The following SNTB1 variants were observed in gnomAD, a reference collection of about 807,000 sequenced individuals.
SNTB1 encodes the protein beta-1-syntrophin.
A neutral mutation model predicts 48.9 loss-of-function variants in SNTB1; 36 were observed. The ratio of observed to expected loss-of-function variants is 0.74; its 90% confidence interval spans 0.56 to 0.97. SNTB1 has a LOEUF of 0.97. SNTB1 is among the 50% of genes least tolerant of loss of function. The pLI is 0.00. For synonymous variants in SNTB1, 299 were observed against 294.6 expected (o/e 1.01, Z -0.15); for missense variants, 786 against 703.4 (o/e 1.12, Z -1.33).
chr8:120,598,934 T>C (rs1179372058), intron 3 of SNTB1, among the ~76,000 whole-genome samples: 1 of 152,200 alleles, frequency 6.6e-6, no homozygotes, highest in Non-Finnish European at 1.5e-5. Context: ...TAAAGATACA[T>C]GTGGTTACAT....
At position 120,575,066 on chromosome 8, in the gene SNTB1, A is replaced by G; in HGVS notation, c.1136+20T>C. On this transcript the variant is annotated intron_variant, in intron 4 of 6. Transcript: ENST00000517992. ...AATCCACCTGCAAACACATCATACC[A>G]AACACAAGGCCATGGCTACCTGGTG... The G allele has an allele frequency of 6.2e-7, 1 of 1,614,142 alleles. No individual in the cohort carries two copies. The highest frequency in any genetic ancestry group is 1.1e-5 in the South Asian group (1 of 91,078).
rs899722995 is a variant in SNTB1 at position 120,538,587 on chromosome 8, T to C, written c.*290A>G. On this transcript the variant is annotated 3_prime_UTR_variant, in exon 7 of 7. Transcript: ENST00000517992. ...GCTGTTCTAATGGTCATGTCCTTGGTTGTCATTATTTCAAAGCTATGCTGT... is the reference window on the plus strand; with the variant it reads ...GCTGTTCTAATGGTCATGTCCTTGGCTGTCATTATTTCAAAGCTATGCTGT... 2.0e-6 allele frequency: 1 copy of C among 493,152 alleles called. No homozygotes were observed. Among genetic ancestry groups the C allele is most frequent in the Non-Finnish European group, 4.0e-6 (1 of 250,294 alleles). The allele number at this position is 493,152 out of a possible 1,614,324, so 30.5% of individuals were successfully genotyped here.
At chr8:120,581,419 C>T (rs563689101) in intron 3 of SNTB1, among the ~76,000 whole-genome samples, 5 of 152,088 alleles carry the variant, frequency 3.3e-5, no homozygotes, top group Non-Finnish European at 5.9e-5. Flanking sequence ...GCCTGGCCAA[C>T]ATGGTGAAAA....
intron 2 of SNTB1, among the ~76,000 whole-genome samples, chr8:120,678,704 T>C (rs930628251): frequency 1.3e-5 from 2 of 152,210 alleles, no homozygotes; most frequent in Non-Finnish European, 2.9e-5. Flanking sequence ...TTCTTATAAC[T>C]AGTTATCACT....
At chr8:120,579,228 C>G (rs999993149) in intron 3 of SNTB1, among the ~76,000 whole-genome samples, 14 of 151,914 alleles carry the variant, frequency 9.2e-5, no homozygotes, top group Non-Finnish European at 1.5e-4. Flanking sequence ...AGCAAACAAA[C>G]AATTGAAAGA....
At chr8:120,654,071 A>AAAAAAAT (rs1817457552) in intron 2 of SNTB1, among the ~76,000 whole-genome samples, 4 of 144,014 alleles carry the variant, frequency 2.8e-5, no homozygotes, top group East Asian at 2.1e-4. Flanking sequence ...AAAAAAAAAA[A>AAAAAAAT]GTTGTCTTCT....
chr8:120,592,618 C>T (rs1402420331), intron 3 of SNTB1, among the ~76,000 whole-genome samples: 1 of 152,128 alleles, frequency 6.6e-6, no homozygotes, highest in African/African-American at 2.4e-5. Context: ...GGGAGCTAGG[C>T]ACTTTGTGAC....
At chr8:120,737,083 T>C (rs1005858751) in intron 1 of SNTB1, among the ~76,000 whole-genome samples, 10 of 152,240 alleles carry the variant, frequency 6.6e-5, no homozygotes, top group Admixed American at 6.5e-4. Flanking sequence ...TTCAACTTGT[T>C]GTGTGACCTT....
intron 2 of SNTB1, among the ~76,000 whole-genome samples, chr8:120,664,840 G>A (rs1455263367): frequency 6.6e-6 from 1 of 152,162 alleles, no homozygotes; most frequent in Non-Finnish European, 1.5e-5. Context: ...ACATTTTAAG[G>A]AATAGCCAAA....
In SNTB1 at chr8:120,554,083, A is replaced by G. The variant is rs150676201; in HGVS notation, c.1137-5125T>C. ...TTCAACATCATTTTATTATGACATT[A>G]GTGAGAAAAGAAATCGATTCCCGGG... is the stretch of plus-strand genomic sequence containing the variant. On this transcript the variant is annotated intron_variant, in intron 4 of 6. Transcript: ENST00000517992. 2.0e-5 allele frequency among the ~76,000 whole-genome samples: 3 copies of G among 152,344 alleles called. No homozygotes were observed. The South Asian group carries it at 6.2e-4, about 32-fold the overall frequency.
chr8:120,547,074 C>T (rs1815395311), intron 5 of SNTB1, among the ~76,000 whole-genome samples: 1 of 152,188 alleles, frequency 6.6e-6, no homozygotes, highest in Admixed American at 6.5e-5. Context: ...AGTTATTTGA[C>T]CTTTTTTGAG....
At chr8:120,775,086 T>C (rs1187087872) in intron 1 of SNTB1, among the ~76,000 whole-genome samples, 1 of 152,216 alleles carries the variant, frequency 6.6e-6, no homozygotes, top group Non-Finnish European at 1.5e-5. Context: ...TAAATTTTTG[T>C]CATAACATAC....
intron 4 of SNTB1, among the ~76,000 whole-genome samples, chr8:120,554,120 C>G (rs1330302841): frequency 1.3e-5 from 2 of 152,288 alleles, no homozygotes; most frequent in East Asian, 1.9e-4. Flanking sequence ...AGGTCCACTG[C>G]CTGTGTGGAG....
At position 120,684,655 on chromosome 8, in the gene SNTB1, A is replaced by AT. The variant is rs1554652904; in HGVS notation, c.788+9036dup. Among the ~76,000 whole-genome samples, 322 of 141,736 alleles carry AT rather than the reference A, an allele frequency of 2.3e-3. 1 individual carries two copies. The highest frequency in any genetic ancestry group is 7.2e-3 in the Middle Eastern group (2 of 278). The allele number at this position is 141,736 out of a possible 152,430, so 93.0% of individuals were successfully genotyped here. On this transcript the variant is annotated intron_variant, in intron 2 of 6. Transcript: ENST00000517992. ...CTATACCCAACAGGGCAAAAATTGA[A>AT]TTTTTTTTTTTTTTTTTGAGACTGA...
intron 1 of SNTB1, among the ~76,000 whole-genome samples, chr8:120,810,539 A>T (rs1003415281): frequency 6.6e-6 from 1 of 152,210 alleles, no homozygotes; most frequent in Non-Finnish European, 1.5e-5. Context: ...GAAAACGCAG[A>T]CAGAAAAATC....
At chr8:120,708,168 G>A (rs981203190) in intron 1 of SNTB1, among the ~76,000 whole-genome samples, 6 of 151,570 alleles carry the variant, frequency 4.0e-5, no homozygotes, top group African/African-American at 1.2e-4. Context: ...ATGGTAATAA[G>A]TTTGAAAACC....
intron 1 of SNTB1, among the ~76,000 whole-genome samples, chr8:120,793,074 C>G (rs1302592846): frequency 6.6e-6 from 1 of 151,790 alleles, no homozygotes; most frequent in Non-Finnish European, 1.5e-5. Flanking sequence ...TGTGTGCAAA[C>G]CTGAAATGAA....
chr8:120,566,109 G>A (rs1815744266), intron 4 of SNTB1, among the ~76,000 whole-genome samples: 1 of 152,062 alleles, frequency 6.6e-6, no homozygotes, highest in African/African-American at 2.4e-5. Flanking sequence ...ATTAAATACA[G>A]AATAGAGACA....
chr8:120,639,159 T>G (rs1817139962), intron 2 of SNTB1, among the ~76,000 whole-genome samples: 1 of 152,262 alleles, frequency 6.6e-6, no homozygotes, highest in Non-Finnish European at 1.5e-5. Context: ...TGAGCATTTT[T>G]TCATGTGTCT....
Sources: allele counts gnomAD v4.1 joint callset (sites outside exome capture counted in the v4.1 genomes callset), GRCh38; gene constraint gnomAD v4.1.1; transcripts MANE v1.5; gene names NCBI Gene and HGNC (gene_info 2026-07-23, HGNC 2026-07-21).